ZDHHC9: variants seen among roughly 807,000 people sequenced by gnomAD.
The protein encoded by ZDHHC9 is zDHHC palmitoyltransferase 9, also known as palmitoyltransferase ZDHHC9.
A neutral mutation model predicts 26.6 loss-of-function variants in ZDHHC9; 3 were observed. The observed-to-expected ratio is 0.11, with a 90% CI of 0.05 to 0.29. The LOEUF (loss-of-function observed/expected upper bound fraction) is 0.29, where lower values mean the gene tolerates loss of function less well. Among genes scored for constraint, ZDHHC9 ranks in the 10% least tolerant of loss-of-function variants. The probability of loss-of-function intolerance (pLI) is 1.00; values close to 1 mark genes in which losing one functional copy is unlikely to be tolerated. For synonymous variants in ZDHHC9, 111 were observed against 109.4 expected (o/e 1.01, Z -0.09); for missense variants, 146 against 296.4 (o/e 0.49, Z 3.73).
At chrX:129,810,865 C>A in intron 10 of ZDHHC9, 40 bp downstream of exon 10, 2 of 1,122,540 alleles carry the variant, frequency 1.8e-6, no homozygotes, top group Non-Finnish European at 2.5e-6. Context: ...TAGCCTCCGC[C>A]CTCTCTATAT....
intron 5 of ZDHHC9, among the ~76,000 whole-genome samples, chrX:129,822,588 C>T (rs1300901963): frequency 9.0e-6 from 1 of 110,869 alleles, no homozygotes; most frequent in Admixed American, 9.6e-5. Flanking sequence ...GCACATTCTG[C>T]ACACGTATCC....
intron 10 of ZDHHC9, among the ~76,000 whole-genome samples, chrX:129,809,600 C>G (rs192865916): frequency 0.06 from 6,687 of 111,276 alleles, 504 homozygotes; most frequent in African/African-American, 0.21. Flanking sequence ...CTGCTAATGG[C>G]TACAGGGTTT....
At chrX:129,815,536 G>A (rs962576230) in intron 5 of ZDHHC9, among the ~76,000 whole-genome samples, 2 of 111,777 alleles carry the variant, frequency 1.8e-5, no homozygotes, top group African/African-American at 6.5e-5. Flanking sequence ...AGATGACAAG[G>A]AAAAATAGAT....
intron 7 of ZDHHC9, 137 bp from the exon 8 acceptor site, chrX:129,812,957 A>G (rs1927678509): frequency 2.0e-6 from 1 of 505,137 alleles, no homozygotes; most frequent in Non-Finnish European, 3.5e-6. Flanking sequence ...ATATATAACA[A>G]TAGATGAATT....
chrX:129,811,800 T>A (rs1927647638), intron 8 of ZDHHC9, among the ~76,000 whole-genome samples: 1 of 110,731 alleles, frequency 9.0e-6, no homozygotes, highest in South Asian at 3.8e-4. Context: ...CTTTATATCA[T>A]GTATATTTTA....
At chrX:129,828,878 G>T in intron 4 of ZDHHC9, 103 bp downstream of exon 4, 1 of 1,064,381 alleles carries the variant, frequency 9.4e-7, no homozygotes, top group East Asian at 3.0e-5. Flanking sequence ...GAGAGAAAAG[G>T]CTAGAAGTGA....
At chrX:129,828,108 C>T (rs1284962123) in intron 4 of ZDHHC9, among the ~76,000 whole-genome samples, 2 of 112,161 alleles carry the variant, frequency 1.8e-5, no homozygotes, top group Non-Finnish European at 3.8e-5. Context: ...TGAGCCACAG[C>T]GCCCGGCCTA....
chrX:129,833,497 G>A (rs185347283), intron 3 of ZDHHC9, among the ~76,000 whole-genome samples: 166 of 112,270 alleles, frequency 1.5e-3, no homozygotes, highest in Middle Eastern at 9.1e-3. Flanking sequence ...AGAGAGCTAT[G>A]CCTTACGGAT....
intron 3 of ZDHHC9, among the ~76,000 whole-genome samples, chrX:129,836,018 TAG>T (rs1928253518): frequency 9.0e-6 from 1 of 111,327 alleles, no homozygotes; most frequent in Non-Finnish European, 1.9e-5. Context: ...CTGACCTCCA[TAG>T]AGTCATTCCC....
At chrX:129,809,499 T>A (rs1187291944) in intron 10 of ZDHHC9, among the ~76,000 whole-genome samples, 1 of 111,768 alleles carries the variant, frequency 8.9e-6, no homozygotes, top group Non-Finnish European at 1.9e-5. Flanking sequence ...TTACATGAAA[T>A]ACCCAGAAGA....
chrX:129,827,869 T>C (rs1163774829), intron 4 of ZDHHC9, among the ~76,000 whole-genome samples: 1 of 111,791 alleles, frequency 8.9e-6, no homozygotes, highest in Non-Finnish European at 1.9e-5. Context: ...CAGGCTGGAG[T>C]GCAGTGGCGC....
At chrX:129,834,458 T>G (rs1928214982) in intron 3 of ZDHHC9, among the ~76,000 whole-genome samples, 1 of 111,572 alleles carries the variant, frequency 9.0e-6, no homozygotes, top group Admixed American at 9.6e-5. Flanking sequence ...AGCCTCCAGA[T>G]TTACTTCTAT....
chrX:129,815,941 T>C, intron 5 of ZDHHC9, among the ~76,000 whole-genome samples: 1 of 111,742 alleles, frequency 8.9e-6, no homozygotes, highest in South Asian at 3.7e-4. Flanking sequence ...CTATGTGTGG[T>C]GATGAATATG....
At chrX:129,825,234 C>CAG (rs1927987746) in intron 4 of ZDHHC9, among the ~76,000 whole-genome samples, 1 of 110,957 alleles carries the variant, frequency 9.0e-6, no homozygotes, top group African/African-American at 3.3e-5. Context: ...ACCTGGGAGG[C>CAG]AGCCTGGGTG....
chrX:129,822,384 A>AT (rs1226944781), intron 5 of ZDHHC9, among the ~76,000 whole-genome samples: 1 of 105,901 alleles, frequency 9.4e-6, no homozygotes, highest in Non-Finnish European at 1.9e-5. Flanking sequence ...GTTCTCACTC[A>AT]TAAGTGGGAG....
At chrX:129,830,674 G>A (rs1484886480) in intron 3 of ZDHHC9, among the ~76,000 whole-genome samples, 2 of 111,992 alleles carry the variant, frequency 1.8e-5, no homozygotes, top group African/African-American at 6.5e-5. Flanking sequence ...AGAGAGAGCA[G>A]AGAAAGTAAG....
intron 5 of ZDHHC9, among the ~76,000 whole-genome samples, chrX:129,817,678 T>C (rs191624123): frequency 2.6e-4 from 29 of 110,701 alleles, no homozygotes; most frequent in African/African-American, 9.5e-4. Flanking sequence ...CTTCTGTCTC[T>C]ATGAATTTGC....
chrX:129,803,462 T>C lies in ZDHHC9; in HGVS notation c.*2908A>G, dbSNP rs902869989. The C allele has an allele frequency of 6.2e-5, 7 of 112,953 alleles. No individual in the cohort carries two copies. The highest frequency in any genetic ancestry group is 1.3e-4 in the Non-Finnish European group (7 of 53,381). 9.3% of individuals were successfully genotyped at this position (112,953 alleles called of 1,213,427 possible). On this transcript the variant is annotated 3_prime_UTR_variant, in exon 11 of 11. Coordinates refer to ENST00000357166, the MANE Select transcript of ZDHHC9 (RefSeq NM_016032.4). ...GCAGAGATTTACATATTAAATTGCA[T>C]TTAAATTAGAAAATAGATTTAAAAA...
rs756591605 is a variant in ZDHHC9, at chrX:129,814,635, C to T, written c.625+23G>A. ...CCCCCACCCAGCCCCACTCCAACAACGGACACTGCCCTGTATACTCACTGA... is the reference window on the plus strand; with the variant it reads ...CCCCCACCCAGCCCCACTCCAACAATGGACACTGCCCTGTATACTCACTGA... On this transcript the variant is annotated intron_variant, in intron 6 of 10. Transcript: ENST00000357166. The T allele has an allele frequency of 1.2e-4, 142 of 1,208,414 alleles. No individual in the cohort carries two copies. In the Middle Eastern group the frequency reaches 1.7e-3, roughly 15 times the overall value.
Sources: gnomAD v4.1 joint callset for allele counts (sites outside exome capture counted in the v4.1 genomes callset) on GRCh38, gnomAD v4.1.1 for gene constraint, MANE v1.5 for transcripts, NCBI Gene and HGNC (gene_info 2026-07-23, HGNC 2026-07-21) for gene names.